The following KIF3C variants were observed in gnomAD, a reference collection of about 807,000 sequenced individuals.
KIF3C encodes the protein kinesin-like protein KIF3C.
A neutral mutation model predicts 67.7 loss-of-function variants in KIF3C; 12 were observed. The ratio of observed to expected loss-of-function variants is 0.18; its 90% CI spans 0.11 to 0.29. The LOEUF is 0.29. Among genes scored for constraint, KIF3C ranks in the 10% least tolerant of loss-of-function variants. The pLI, the probability that KIF3C is intolerant of heterozygous loss-of-function variation, is 1.00. For missense variants in KIF3C, 789 were observed against 1,059.6 expected, an observed-to-expected ratio of 0.74 and a Z score of 3.55; for synonymous variants, 393 against 426.2, an observed-to-expected ratio of 0.92 and a Z score of 0.96.
chr2:25,956,124 T>C (rs905312316), intron 2 of KIF3C, among the ~76,000 whole-genome samples: 2 of 152,210 alleles, frequency 1.3e-5, no homozygotes, highest in African/African-American at 4.8e-5. Flanking sequence ...GCTGATGTTA[T>C]GGAGAGCTAT....
At chr2:25,964,510 A>C (rs1300323023) in intron 1 of KIF3C, among the ~76,000 whole-genome samples, 1 of 152,046 alleles carries the variant, frequency 6.6e-6, no homozygotes, top group Non-Finnish European at 1.5e-5. Flanking sequence ...TCTGTTGCCC[A>C]GGCTGGAATG....
At chr2:25,942,453 C>T (rs1256596253) in intron 5 of KIF3C, among the ~76,000 whole-genome samples, 1 of 151,830 alleles carries the variant, frequency 6.6e-6, no homozygotes, top group African/African-American at 2.4e-5. Flanking sequence ...TCTTGTTGCC[C>T]AGGCTGGAGT....
intron 1 of KIF3C, among the ~76,000 whole-genome samples, chr2:25,978,717 C>G (rs1664481723): frequency 6.6e-6 from 1 of 152,148 alleles, no homozygotes; most frequent in Non-Finnish European, 1.5e-5. Flanking sequence ...GCATTTTCCT[C>G]CCTTCTTAGC....
At chr2:25,934,254 G>C (rs1280950569) in intron 5 of KIF3C, 2 of 453,698 alleles carry the variant, frequency 4.4e-6, no homozygotes, top group Admixed American at 5.2e-5. Flanking sequence ...CTGCTAATTG[G>C]TTCAGGGTTT....
intron 5 of KIF3C, among the ~76,000 whole-genome samples, chr2:25,939,305 C>T (rs989679968): frequency 6.6e-6 from 1 of 152,062 alleles, no homozygotes; most frequent in Admixed American, 6.6e-5. Context: ...CCGACATCAT[C>T]GGGTGTGTTT....
intron 5 of KIF3C, among the ~76,000 whole-genome samples, chr2:25,950,020 A>C (rs1663553658): frequency 6.6e-6 from 1 of 150,866 alleles, no homozygotes; most frequent in African/African-American, 2.4e-5. Flanking sequence ...CTTCCCCAGG[A>C]GCTGAGACTG....
At chr2:25,965,757 G>A (rs1664125723) in intron 1 of KIF3C, among the ~76,000 whole-genome samples, 1 of 151,916 alleles carries the variant, frequency 6.6e-6, no homozygotes, top group African/African-American at 2.4e-5. Context: ...TAGTCTTCAA[G>A]AGAACTTCCC....
intron 5 of KIF3C, among the ~76,000 whole-genome samples, chr2:25,948,500 T>A (rs1362845958): frequency 6.6e-6 from 1 of 151,142 alleles, no homozygotes; most frequent in Non-Finnish European, 1.5e-5. Context: ...TGCAGTGAGT[T>A]ATATACTCCA....
At chr2:25,933,965 G>A (rs139542621) in intron 5 of KIF3C, 24 of 304,920 alleles carry the variant, frequency 7.9e-5, no homozygotes, top group African/African-American at 4.1e-4. Context: ...GGAAATTACC[G>A]AAATGTCCAC....
chr2:25,945,825 T>G (rs1663418100), intron 5 of KIF3C, among the ~76,000 whole-genome samples: 2 of 152,062 alleles, frequency 1.3e-5, no homozygotes, highest in Admixed American at 1.3e-4. Flanking sequence ...GCAAATAGTT[T>G]TTGGATGTGC....
chr2:25,951,599 C>T (rs952954445), intron 5 of KIF3C, 190 bp downstream of exon 5: 4 of 531,838 alleles, frequency 7.5e-6, no homozygotes, highest in East Asian at 3.2e-5. Flanking sequence ...TTTCCCAGAA[C>T]ACCCTTCCAT....
At position 25,951,923 on chromosome 2, in the gene KIF3C, G is replaced by A. The variant is rs1456604066; in HGVS notation, c.1890-18C>T. Reference sequence around the variant, plus strand: ...TTAGGTACCTGGGAGCAGGAATGAAGGAGTGATGGGAAAATGGGTGAGCGA... The same window carrying A: ...TTAGGTACCTGGGAGCAGGAATGAAAGAGTGATGGGAAAATGGGTGAGCGA... On this transcript the variant is annotated intron_variant, in intron 4 of 7. Transcript: ENST00000264712. The A allele has an allele frequency of 2.6e-6, 4 of 1,543,812 alleles. No homozygotes were observed. In the Admixed American group the frequency reaches 5.0e-5, roughly 19 times the overall value.
At position 25,928,704 on chromosome 2, in the gene KIF3C, GA is replaced by G; in HGVS notation, c.*273del. ...GACTGGGGGAGCTCTCAAGTCAGAAGAAAAAGAGGCTACGCAGTGACCACGG... is the reference window on the plus strand; with the variant it reads ...GACTGGGGGAGCTCTCAAGTCAGAAGAAAAGAGGCTACGCAGTGACCACGG... On this transcript the variant is annotated 3_prime_UTR_variant, in exon 8 of 8. Transcript: ENST00000264712. The G allele has an allele frequency of 3.3e-6, 1 of 300,424 alleles. No individual in the cohort carries two copies. Among genetic ancestry groups the G allele is most frequent in the Non-Finnish European group, 6.2e-6 (1 of 160,256 alleles). The allele number at this position is 300,424 out of a possible 1,614,324, so 18.6% of individuals were successfully genotyped here.
chr2:25,979,735 C>T (rs933612426), intron 1 of KIF3C, among the ~76,000 whole-genome samples: 4 of 152,162 alleles, frequency 2.6e-5, no homozygotes, highest in Non-Finnish European at 4.4e-5. Context: ...CCACTTTGCC[C>T]AGCTAAGAAC....
At chr2:25,952,184 C>T (rs1276317271) in intron 4 of KIF3C, among the ~76,000 whole-genome samples, 2 of 151,972 alleles carry the variant, frequency 1.3e-5, no homozygotes, top group African/African-American at 2.4e-5. Flanking sequence ...CCTGTAGTCC[C>T]AAGCTACTCA....
intron 1 of KIF3C, among the ~76,000 whole-genome samples, chr2:25,969,213 G>T (rs935909327): frequency 6.6e-6 from 1 of 152,112 alleles, no homozygotes; most frequent in Non-Finnish European, 1.5e-5. Context: ...GAGTATAATT[G>T]AGCATTATTA....
intron 5 of KIF3C, among the ~76,000 whole-genome samples, chr2:25,947,512 T>C (rs557562356): frequency 2.9e-3 from 438 of 150,722 alleles, no homozygotes; most frequent in Non-Finnish European, 4.8e-3. Flanking sequence ...ACCCGGGAGG[T>C]GGAGCTTGCA....
chr2:25,934,402 G>T (rs753562505), intron 5 of KIF3C, among the ~76,000 whole-genome samples: 25 of 151,754 alleles, frequency 1.6e-4, no homozygotes, highest in Non-Finnish European at 2.9e-4. Context: ...AACATGGTGA[G>T]ACCCTTTCCC....
chr2:25,952,204 G>A (rs966380280), intron 4 of KIF3C, among the ~76,000 whole-genome samples: 1 of 152,166 alleles, frequency 6.6e-6, no homozygotes, highest in African/African-American at 2.4e-5. Flanking sequence ...AGGAGGCTGA[G>A]GCAGGAGAAT....
Sources: allele counts gnomAD v4.1 joint callset (sites outside exome capture counted in the v4.1 genomes callset), GRCh38; gene constraint gnomAD v4.1.1; transcripts MANE v1.5; gene names NCBI Gene and HGNC (gene_info 2026-07-23, HGNC 2026-07-21).